Variants in SCN1A observed in about 807,000 individuals in gnomAD.
SCN1A encodes the protein sodium voltage-gated channel alpha subunit 1.
SCN1A carries 13 observed loss-of-function variants against 193.7 expected under a neutral mutation model. The ratio of observed to expected loss-of-function variants is 0.07; its 90% CI spans 0.04 to 0.11. The LOEUF is 0.11. Among genes scored for constraint, SCN1A ranks in the 10% least tolerant of loss-of-function variants. The pLI, the probability that SCN1A is intolerant of heterozygous loss-of-function variation, is 1.00. For synonymous variants in SCN1A, 781 were observed against 843.6 expected (o/e 0.93, Z 1.29); for missense variants, 1,432 against 2,451.1 (o/e 0.58, Z 8.78).
chr2:166,136,458 C>A (rs923883806), intron 1 of SCN1A, among the ~76,000 whole-genome samples: 8 of 152,126 alleles, frequency 5.3e-5, no homozygotes, highest in Non-Finnish European at 8.8e-5. Flanking sequence ...TACACACACA[C>A]AACTGCTAAT....
chr2:166,108,726 GAT>G (rs1688967505), intron 2 of SCN1A, among the ~76,000 whole-genome samples: 1 of 152,124 alleles, frequency 6.6e-6, no homozygotes, highest in Non-Finnish European at 1.5e-5. Context: ...CACATTGCAT[GAT>G]TCTATTCATA....
intron 1 of SCN1A, among the ~76,000 whole-genome samples, chr2:166,134,917 C>T (rs1691797525): frequency 6.6e-6 from 1 of 152,116 alleles, no homozygotes. Flanking sequence ...ATCTCCATAT[C>T]TATTGCCACA....
chr2:165,997,221 A>G (rs1690201323), intron 26 of SCN1A, among the ~76,000 whole-genome samples: 1 of 151,334 alleles, frequency 6.6e-6, no homozygotes, highest in African/African-American at 2.4e-5. Flanking sequence ...ATTAAAAACA[A>G]TCTAAATTAT....
chr2:166,122,461 T>C (rs1456592687), intron 2 of SCN1A, among the ~76,000 whole-genome samples: 1 of 152,208 alleles, frequency 6.6e-6, no homozygotes, highest in African/African-American at 2.4e-5. Flanking sequence ...GTTAAGGGTA[T>C]ATGGATCAGT....
chr2:165,995,990 C>T (rs1689979747), intron 27 of SCN1A, 23 bp downstream of exon 27: 2 of 1,442,898 alleles, frequency 1.4e-6, no homozygotes, highest in Admixed American at 1.7e-5. Flanking sequence ...TATTTTTCCC[C>T]CATATCATTT....
chr2:166,127,327 C>T (rs1186702635), intron 1 of SCN1A, among the ~76,000 whole-genome samples: 1 of 152,110 alleles, frequency 6.6e-6, no homozygotes, highest in African/African-American at 2.4e-5. Flanking sequence ...CTTCTTTCTT[C>T]CTGTGGAGTT....
chr2:166,044,121 G>A, intron 13 of SCN1A, 72 bp from the exon 14 acceptor site: 4 of 1,531,664 alleles, frequency 2.6e-6, no homozygotes, highest in Non-Finnish European at 3.6e-6. Context: ...CATTTTGCAA[G>A]ATTATGTAGA....
intron 26 of SCN1A, 48 bp from the exon 27 acceptor site, chr2:165,996,165 AT>A (rs756634552): frequency 5.1e-6 from 6 of 1,172,762 alleles, no homozygotes; most frequent in Admixed American, 1.8e-5. Context: ...CCTTTTGTAC[AT>A]TTTTTTCAAT....
chr2:166,125,907 G>A (rs547015170), intron 2 of SCN1A, among the ~76,000 whole-genome samples: 30 of 152,246 alleles, frequency 2.0e-4, no homozygotes, highest in African/African-American at 7.2e-4. Context: ...AAGTCTATTA[G>A]TATTGGCAGC....
intron 2 of SCN1A, among the ~76,000 whole-genome samples, chr2:166,078,325 T>C (rs1418274904): frequency 6.7e-6 from 1 of 150,318 alleles, no homozygotes; most frequent in Non-Finnish European, 1.5e-5. Context: ...ACAGGTATAT[T>C]TGAACTGCGT....
chr2:166,129,278 G>T (rs980200006), upstream of SCN1A, among the ~76,000 whole-genome samples: 1 of 152,122 alleles, frequency 6.6e-6, no homozygotes, highest in African/African-American at 2.4e-5. Context: ...ATAATCCACT[G>T]TTCTTTGCAA....
At chr2:166,081,758 C>T (rs11884723) in intron 2 of SCN1A, 34,339 of 151,708 alleles carry the variant, frequency 0.23, 3,970 homozygotes, top group Middle Eastern at 0.4. Context: ...ATTCCCCCTC[C>T]TCACTCCCCC....
At chr2:166,133,261 T>C (rs1308843797) in intron 1 of SCN1A, among the ~76,000 whole-genome samples, 2 of 152,178 alleles carry the variant, frequency 1.3e-5, no homozygotes, top group African/African-American at 4.8e-5. Flanking sequence ...AAGCCAGAAT[T>C]ATGTCTGCAG....
chr2:166,123,992 A>G (rs1435349825), intron 2 of SCN1A, among the ~76,000 whole-genome samples: 1 of 152,208 alleles, frequency 6.6e-6, no homozygotes, highest in African/African-American at 2.4e-5. Flanking sequence ...TTCTGCTTAA[A>G]AAAACTTTTT....
intron 23 of SCN1A, among the ~76,000 whole-genome samples, chr2:166,008,279 A>G (rs1691926561): frequency 6.6e-6 from 1 of 151,294 alleles, no homozygotes; most frequent in Non-Finnish European, 1.5e-5. Context: ...CACTTGACCA[A>G]TGAATTTAAT....
chr2:165,999,476 A>G (rs1477904291), intron 25 of SCN1A, among the ~76,000 whole-genome samples: 1 of 151,576 alleles, frequency 6.6e-6, no homozygotes, highest in Non-Finnish European at 1.5e-5. Context: ...ATTTAAAAGG[A>G]AAATATTTGT....
At chr2:166,044,400 G>T (rs1404079182) in intron 13 of SCN1A, among the ~76,000 whole-genome samples, 1 of 152,082 alleles carries the variant, frequency 6.6e-6, no homozygotes, top group Non-Finnish European at 1.5e-5. Context: ...AGTGAACACT[G>T]GCACCATGAC....
rs575530590 is a variant in SCN1A at position 166,002,893 on chromosome 2, C to T, written c.4003-140G>A. The T allele has an allele frequency of 1.3e-4, 88 of 653,672 alleles. 2 individuals carry two copies. In the South Asian group the frequency reaches 2.9e-3, roughly 21 times the overall value. 40.5% of individuals were successfully genotyped at this position (653,672 alleles called of 1,614,324 possible). A position where few individuals can be genotyped will look rare whatever the true frequency, so the allele number is the denominator to read the frequency against. On this transcript the variant is annotated intron_variant, in intron 23 of 28. Transcript: ENST00000674923. ...TTCTAGGATATGTAAAAGCAAGGTTCAAAAAAATCTTAAAATTCATTTTTT... is the reference window on the plus strand; with the variant it reads ...TTCTAGGATATGTAAAAGCAAGGTTTAAAAAAATCTTAAAATTCATTTTTT...
chr2:166,006,921 C>T (rs1439954260), intron 23 of SCN1A, among the ~76,000 whole-genome samples: 1 of 151,186 alleles, frequency 6.6e-6, no homozygotes, highest in East Asian at 1.9e-4. Context: ...CACCAGGGTC[C>T]CCCGCCCTCA....
Sources: allele counts gnomAD v4.1 joint callset (sites outside exome capture counted in the v4.1 genomes callset), GRCh38; gene constraint gnomAD v4.1.1; transcripts MANE v1.5; gene names NCBI Gene and HGNC (gene_info 2026-07-23, HGNC 2026-07-21).